The following KCTD1 variants were observed in gnomAD, a reference collection of about 807,000 sequenced individuals.
KCTD1 encodes potassium channel tetramerization domain containing 1, also known as BTB/POZ domain-containing protein KCTD1.
A neutral mutation model predicts 66.0 loss-of-function variants in KCTD1; 24 were observed. The observed-to-expected ratio is 0.36, with a 90% CI of 0.26 to 0.51. The LOEUF (loss-of-function observed/expected upper bound fraction) is 0.51, where lower values mean the gene tolerates loss of function less well. KCTD1 is among the 20% of genes least tolerant of loss of function. The pLI is 0.95. For missense variants in KCTD1, 943 were observed against 1,205.2 expected, an observed-to-expected ratio of 0.78 and a Z score of 3.22; for synonymous variants, 511 against 517.2, an observed-to-expected ratio of 0.99 and a Z score of 0.16.
chr18:26,600,491 G>T (rs557809719), intron 1 of KCTD1, among the ~76,000 whole-genome samples: 2 of 122,004 alleles, frequency 1.6e-5, no homozygotes, highest in South Asian at 5.4e-4. Flanking sequence ...GAAGCTGGCT[G>T]GGGGGGGTGC....
At position 26,548,461 on chromosome 18, in the gene KCTD1, C is replaced by T. The variant is rs1177966832; in HGVS notation, c.76G>A (p.Glu26Lys). 4.0e-6 allele frequency: 5 copies of T among 1,262,298 alleles called. No homozygotes were observed. The highest frequency in any genetic ancestry group is 4.2e-5 in the Admixed American group (1 of 23,804). 78.2% of individuals were successfully genotyped at this position (1,262,298 alleles called of 1,614,324 possible). ...GSASAAAAAA[E>K]NNGERGEGER... ...CCCTCGCCCCGCTCCCCATTGTTCT[C>T]GGCGGCGGCGGCGGCAGCGCTGGCG... The change falls in exon 1 of 5, where the codon GAG becomes AAG. Residue 26 changes from glutamate (E) to lysine (K), a missense_variant. Glu to Lys is a moderately conservative substitution (Grantham distance 56). Transcript: ENST00000580059.
chr18:26,455,939 G>GGTAA (rs761788949), intron 4 of KCTD1, 38 bp from the exon 5 acceptor site: 38 of 1,598,862 alleles, frequency 2.4e-5, no homozygotes, highest in Non-Finnish European at 2.9e-5. Flanking sequence ...TTAGGGGTGA[G>GGTAA]GTAAGTCCTA....
At chr18:26,464,718 C>T (rs1357969796) in intron 3 of KCTD1, among the ~76,000 whole-genome samples, 2 of 152,178 alleles carry the variant, frequency 1.3e-5, no homozygotes, top group African/African-American at 4.8e-5. Flanking sequence ...AGGAATGTCT[C>T]CAATACCTCC....
chr18:26,480,625 G>A (rs1010581616), intron 2 of KCTD1, among the ~76,000 whole-genome samples: 10 of 152,132 alleles, frequency 6.6e-5, no homozygotes, highest in African/African-American at 1.4e-4. Flanking sequence ...AAAATTAGCC[G>A]GGCGTGGTGG....
intron 1 of KCTD1, among the ~76,000 whole-genome samples, chr18:26,517,099 A>C (rs1186853886): frequency 6.6e-6 from 1 of 152,186 alleles, no homozygotes; most frequent in Non-Finnish European, 1.5e-5. Flanking sequence ...GTGCTCACTG[A>C]GGAATCTCTG....
intron 1 of KCTD1, among the ~76,000 whole-genome samples, chr18:26,634,902 G>A (rs751512641): frequency 2.6e-5 from 4 of 152,116 alleles, no homozygotes; most frequent in Admixed American, 1.3e-4. Flanking sequence ...TTTGCTAAAC[G>A]CCCTCTGAGA....
intron 1 of KCTD1, among the ~76,000 whole-genome samples, chr18:26,650,087 T>G (rs765656818): frequency 6.6e-6 from 1 of 152,164 alleles, no homozygotes; most frequent in South Asian, 2.1e-4. Flanking sequence ...ACATGAGTAA[T>G]CAAAAGGCAA....
At chr18:26,598,510 C>T (rs1986820376) in intron 1 of KCTD1, among the ~76,000 whole-genome samples, 1 of 138,456 alleles carries the variant, frequency 7.2e-6, no homozygotes, top group Non-Finnish European at 1.6e-5. Context: ...TTTTGATTTT[C>T]TAGGAGTACA....
rs1980043240 is a variant in KCTD1 at position 26,455,770 on chromosome 18, G to C, written c.2571C>G (p.Ile857Met). Reference protein sequence around the residue: ...LRRTPRVPSVIRIKQEPLD With the variant: ...LRRTPRVPSVMRIKQEPLD ...AGTCCAGAGGCTCTTGCTTTATCCG[G>C]ATGACGGAGGGTACACGGGGCGTCC... The change falls in exon 5 of 5, where the codon ATC (isoleucine) becomes ATG (methionine). Residue 857 changes from isoleucine (I) to methionine (M), a missense_variant. Ile to Met is a conservative substitution (Grantham distance 10). Around this residue, in one of 10 missense-constraint regions of KCTD1, gnomAD observed 162 missense variants for 232.4 expected, o/e 0.70. Coordinates refer to ENST00000580059, the MANE Select transcript of KCTD1 (RefSeq NM_001142730.3). 1 of 1,613,992 alleles carries C rather than the reference G, an allele frequency of 6.2e-7. No individual in the cohort carries two copies.
At chr18:26,583,766 T>C (rs1188167721) in intron 1 of KCTD1, among the ~76,000 whole-genome samples, 1 of 152,238 alleles carries the variant, frequency 6.6e-6, no homozygotes, top group Non-Finnish European at 1.5e-5. Context: ...TTTTAGGAAA[T>C]TTAAAAATAT....
chr18:26,486,671 T>C (rs1183462890), intron 2 of KCTD1, among the ~76,000 whole-genome samples: 1 of 152,190 alleles, frequency 6.6e-6, no homozygotes, highest in Admixed American at 6.5e-5. Flanking sequence ...ACTGCTGCTC[T>C]CCAGGTGGCC....
rs533073647 is a variant in KCTD1, at chr18:26,515,246, CA to C, written c.1810-13997del. On this transcript the variant is annotated intron_variant, in intron 1 of 4. Transcript: ENST00000580059. ...CATCATTTATGAGATCTCAGAACTC[CA>C]AAGACTTTACGAACAATCATGACCC... is the stretch of plus-strand genomic sequence containing the variant. 4.6e-5 allele frequency among the ~76,000 whole-genome samples: 7 copies of C among 152,264 alleles called. No homozygotes were observed. The South Asian group carries it at 1.5e-3, about 32-fold the overall frequency.
In KCTD1 at chr18:26,529,241, T is replaced by A. The variant is rs911933220; in HGVS notation, c.1809+17487A>T. The stretch of plus-strand genomic sequence containing the variant: ...ACAATGACCTCTCCCCTTGCTCTGA[T>A]CCCTCTGCAATCCATGGTCCGCATC... On this transcript the variant is annotated intron_variant, in intron 1 of 4. Transcript: ENST00000580059. Among the ~76,000 whole-genome samples the A allele has an allele frequency of 3.3e-5, 5 of 152,066 alleles. 1 individual carries two copies. The South Asian group carries it at 8.3e-4, about 25-fold the overall frequency.
At chr18:26,576,301 A>G (rs1199119078) in intron 1 of KCTD1, among the ~76,000 whole-genome samples, 1 of 152,196 alleles carries the variant, frequency 6.6e-6, no homozygotes, top group Non-Finnish European at 1.5e-5. Context: ...CATGGTAGGA[A>G]TTCAGTATAT....
chr18:26,544,511 T>C (rs959159713), intron 1 of KCTD1: 3 of 152,206 alleles, frequency 2.0e-5, no homozygotes, highest in Non-Finnish European at 2.9e-5. Flanking sequence ...CTTGATAAAG[T>C]CCAGTCAGTA....
intron 1 of KCTD1, among the ~76,000 whole-genome samples, chr18:26,619,009 C>T (rs182447425): frequency 3.5e-4 from 53 of 152,266 alleles, no homozygotes; most frequent in African/African-American, 1.2e-3. Flanking sequence ...CTGGAGTCTT[C>T]GGCCTTCTCT....
intron 1 of KCTD1, among the ~76,000 whole-genome samples, chr18:26,535,549 G>A (rs1009309734): frequency 5.4e-5 from 8 of 149,316 alleles, no homozygotes; most frequent in Non-Finnish European, 1.2e-4. Context: ...TTGGAAGACT[G>A]GGCTGTTCAT....
chr18:26,637,623 G>A (rs1393390760), intron 1 of KCTD1, among the ~76,000 whole-genome samples: 1 of 152,188 alleles, frequency 6.6e-6, no homozygotes, highest in African/African-American at 2.4e-5. Context: ...CGCTTCAGTG[G>A]GATGAGGCCT....
chr18:26,488,866 G>A (rs540389413), intron 2 of KCTD1, among the ~76,000 whole-genome samples: 51 of 152,164 alleles, frequency 3.4e-4, no homozygotes, highest in Non-Finnish European at 5.6e-4. Context: ...CTGATACCAC[G>A]TCTTGAATAG....
Sources: gnomAD v4.1 joint callset for allele counts (sites outside exome capture counted in the v4.1 genomes callset) on GRCh38, gnomAD v4.1.1 for gene constraint, gnomAD v4.1.1 regional missense constraint, MANE v1.5 for transcripts, NCBI Gene and HGNC (gene_info 2026-07-23, HGNC 2026-07-21) for gene names.